ADGRB3: variants seen among roughly 807,000 people sequenced by gnomAD.
The protein encoded by ADGRB3 is adhesion G protein-coupled receptor B3, also known as brain-specific angiogenesis inhibitor 3.
A neutral mutation model predicts 193.4 loss-of-function variants in ADGRB3; 37 were observed. That is an observed-to-expected ratio of 0.19 (90% CI 0.15 to 0.25). The LOEUF (loss-of-function observed/expected upper bound fraction) is 0.25, where lower values mean the gene tolerates loss of function less well. ADGRB3 is among the 10% of genes least tolerant of loss of function. ADGRB3 has a pLI of 1.00. For synonymous variants in ADGRB3, 690 were observed against 644.2 expected (o/e 1.07, Z -1.08); for missense variants, 1,637 against 1,852.9 (o/e 0.88, Z 2.14).
At chr6:68,844,855 A>C (rs552882725) in intron 3 of ADGRB3, among the ~76,000 whole-genome samples, 2 of 152,290 alleles carry the variant, frequency 1.3e-5, no homozygotes, top group African/African-American at 4.8e-5. Flanking sequence ...GGTTAAATGA[A>C]ATGTCAGGCA....
At chr6:68,636,336 A>C (rs377506477) in intron 1 of ADGRB3, among the ~76,000 whole-genome samples, 1 of 151,928 alleles carries the variant, frequency 6.6e-6, no homozygotes, top group African/African-American at 2.4e-5. Flanking sequence ...TGGGGGGAAA[A>C]ATCTGTGGAG....
rs140703885 is a variant in ADGRB3 at position 68,889,652 on chromosome 6, G to A, written c.758-40907G>A. On this transcript the variant is annotated intron_variant, in intron 3 of 31. Coordinates refer to ENST00000370598, the MANE Select transcript of ADGRB3 (RefSeq NM_001704.3). ...TGAGTACCTGGGACTACAGGTGTCC[G>A]CCACCACGCCTGGCTAATTTTTTGT... Among the ~76,000 whole-genome samples the A allele has an allele frequency of 9.5e-4, 145 of 151,862 alleles. 1 individual carries two copies. The East Asian group carries it at 0.022, about 24-fold the overall frequency.
intron 3 of ADGRB3, among the ~76,000 whole-genome samples, chr6:68,891,018 A>T (rs116085069): frequency 0.017 from 2,568 of 152,298 alleles, 61 homozygotes; most frequent in African/African-American, 0.058. Flanking sequence ...CTGGGAAGAA[A>T]AAGAAGTTTA....
At chr6:68,896,439 A>C (rs1423021766) in intron 3 of ADGRB3, among the ~76,000 whole-genome samples, 1 of 152,136 alleles carries the variant, frequency 6.6e-6, no homozygotes. Flanking sequence ...ATAGCTGAAA[A>C]TTTTCAAAAG....
At position 69,312,671 on chromosome 6, in the gene ADGRB3, A is replaced by G. The variant is rs546721388; in HGVS notation, c.2815-12201A>G. Reference sequence around the variant, plus strand: ...CCTTCTTCCTGCACCCCACCATGGCAGCATTACTTTGTTTTTGCTTAAAAA... The same window carrying G: ...CCTTCTTCCTGCACCCCACCATGGCGGCATTACTTTGTTTTTGCTTAAAAA... On this transcript the variant is annotated intron_variant, in intron 20 of 31. Transcript: ENST00000370598. 4.0e-5 allele frequency among the ~76,000 whole-genome samples: 6 copies of G among 151,820 alleles called. No homozygotes were observed. In the East Asian group the frequency reaches 5.9e-4, roughly 15 times the overall value.
intron 17 of ADGRB3, among the ~76,000 whole-genome samples, chr6:69,077,304 G>A (rs1431211068): frequency 6.6e-6 from 1 of 151,936 alleles, no homozygotes; most frequent in Admixed American, 6.6e-5. Context: ...CACTTAATAT[G>A]TTATATAGCC....
At chr6:68,969,107 A>G (rs1768480183) in intron 8 of ADGRB3, among the ~76,000 whole-genome samples, 1 of 152,028 alleles carries the variant, frequency 6.6e-6, no homozygotes. Context: ...GTTCATTACA[A>G]CAGATTAAAA....
rs62416391 is a variant in ADGRB3, at chr6:68,875,616, G to A, written c.758-54943G>A. Among the ~76,000 whole-genome samples, 472 of 151,784 alleles carry A rather than the reference G, an allele frequency of 3.1e-3. 1 individual carries two copies. Among genetic ancestry groups the A allele is most frequent in the Non-Finnish European group, 5.7e-3 (389 of 67,914 alleles). On this transcript the variant is annotated intron_variant, in intron 3 of 31. Transcript: ENST00000370598. ...GCTGACACAGTATTACTAGGATAAC[G>A]GCATTATTATTGCCATTTTAAGGAT...
intron 6 of ADGRB3, 32 bp downstream of exon 6, chr6:68,944,026 A>C (rs1210542155): frequency 4.5e-6 from 7 of 1,571,012 alleles, no homozygotes; most frequent in Non-Finnish European, 6.1e-6. Flanking sequence ...TTATGTTTGC[A>C]TTATGTGCTT....
chr6:69,365,285 C>T (rs1053849857), intron 29 of ADGRB3, among the ~76,000 whole-genome samples: 2 of 152,026 alleles, frequency 1.3e-5, no homozygotes, highest in Admixed American at 1.3e-4. Flanking sequence ...GGATCTTTCT[C>T]CCTTACTCTT....
chr6:69,063,018 A>T lies in ADGRB3; in HGVS notation c.2418A>T (p.Glu806Asp), dbSNP rs1299700751. The change falls in exon 16 of 32, where the codon GAA becomes GAT. Residue 806 changes from glutamate to aspartate, a missense_variant. Around this residue, in one of 7 missense-constraint regions of ADGRB3, gnomAD observed 641 missense variants for 673.9 expected, o/e 0.95. Coordinates refer to ENST00000370598, the MANE Select transcript of ADGRB3 (RefSeq NM_001704.3). ...PKTTDSFLEI[E>D]LAHLANGTLN... ...CAACCGATTCGTTTCTGGAGATAGA[A>T]CTAGCTCATTTGGCTAATGTAAGTA... 6.2e-7 allele frequency: 1 copy of T among 1,611,772 alleles called. No individual in the cohort carries two copies. The highest frequency in any genetic ancestry group is 1.3e-5 in the African/African-American group (1 of 74,944).
intron 8 of ADGRB3, among the ~76,000 whole-genome samples, chr6:68,964,971 T>C (rs1768336274): frequency 6.6e-6 from 1 of 152,160 alleles, no homozygotes; most frequent in African/African-American, 2.4e-5. Context: ...TGATTGACCA[T>C]AGGTCCATCA....
chr6:69,016,706 T>C (rs1770102005), intron 12 of ADGRB3, among the ~76,000 whole-genome samples: 1 of 151,928 alleles, frequency 6.6e-6, no homozygotes. Context: ...CCTGGATCTT[T>C]AAGCTTGTAG....
At chr6:68,819,739 A>G (rs1767712850) in intron 3 of ADGRB3, among the ~76,000 whole-genome samples, 1 of 152,072 alleles carries the variant, frequency 6.6e-6, no homozygotes, top group Non-Finnish European at 1.5e-5. Context: ...ATAGATAAGA[A>G]ATAGATAAAA....
chr6:68,772,302 T>A (rs1401621057), intron 3 of ADGRB3, among the ~76,000 whole-genome samples: 3 of 152,082 alleles, frequency 2.0e-5, no homozygotes. Flanking sequence ...GAAGGGATGG[T>A]GAAGCCATTT....
At chr6:68,647,030 T>A (rs1174258334) in intron 3 of ADGRB3, among the ~76,000 whole-genome samples, 1 of 152,176 alleles carries the variant, frequency 6.6e-6, no homozygotes, top group Non-Finnish European at 1.5e-5. Context: ...TGTGTATGGT[T>A]GAAAATATGA....
chr6:69,263,225 CACTG>C (rs919839401), intron 20 of ADGRB3, among the ~76,000 whole-genome samples: 3 of 151,996 alleles, frequency 2.0e-5, no homozygotes, highest in African/African-American at 7.2e-5. Context: ...GCAGAACTGA[CACTG>C]ACATCAGTGA....
At chr6:69,281,914 G>A (rs1160451238) in intron 20 of ADGRB3, among the ~76,000 whole-genome samples, 2 of 152,124 alleles carry the variant, frequency 1.3e-5, no homozygotes, top group African/African-American at 2.4e-5. Flanking sequence ...GCTTTTTTCA[G>A]AATTTATTGT....
intron 12 of ADGRB3, 58 bp downstream of exon 12, chr6:69,014,164 T>A: frequency 8.1e-7 from 1 of 1,239,860 alleles, no homozygotes; most frequent in Non-Finnish European, 1.1e-6. Context: ...AAAAAATATG[T>A]GACTAAATTA....
Sources: allele counts gnomAD v4.1 joint callset (sites outside exome capture counted in the v4.1 genomes callset), GRCh38; gene constraint gnomAD v4.1.1; regional missense constraint gnomAD v4.1.1; transcripts MANE v1.5; gene names NCBI Gene and HGNC (gene_info 2026-07-23, HGNC 2026-07-21).